SLC36A1: variants seen among roughly 807,000 people sequenced by gnomAD.
SLC36A1 encodes proton-coupled amino acid transporter 1.
SLC36A1 carries 30 observed loss-of-function variants against 47.5 expected under a neutral mutation model. The observed-to-expected ratio is 0.63, with a 90% CI of 0.47 to 0.86. The LOEUF is 0.86. Among genes scored for constraint, SLC36A1 ranks in the 40% least tolerant of loss-of-function variants. SLC36A1 has a pLI of 0.00. For synonymous variants in SLC36A1, 255 were observed against 249.7 expected (o/e 1.02, Z -0.20); for missense variants, 517 against 606.0 (o/e 0.85, Z 1.54).
the SLC36A1 span, among the ~76,000 whole-genome samples, chr5:151,370,704 G>T: frequency 1.3e-5 from 2 of 152,088 alleles, no homozygotes; most frequent in Non-Finnish European, 2.9e-5. Context: ...GATTTAAATT[G>T]CTTCTAGGCT....
chr5:151,527,988 T>A, the SLC36A1 span: 3 of 1,613,748 alleles, frequency 1.9e-6, no homozygotes, highest in South Asian at 2.2e-5. Flanking sequence ...CCCTCCCACA[T>A]GACTCACCTG....
chr5:151,495,664 A>G (rs115006490), downstream of SLC36A1, among the ~76,000 whole-genome samples: 373 of 151,210 alleles, frequency 2.5e-3, 1 homozygote, highest in African/African-American at 8.7e-3. Context: ...ATAGATACCC[A>G]CTCCCTTCAG....
chr5:151,411,260 G>A, the SLC36A1 span, among the ~76,000 whole-genome samples: 2 of 144,686 alleles, frequency 1.4e-5, no homozygotes, highest in Admixed American at 6.8e-5. Context: ...ATTTACTCCC[G>A]ATTTATCTTA....
chr5:151,381,157 G>T, the SLC36A1 span: 1 of 466,812 alleles, frequency 2.1e-6, no homozygotes. Flanking sequence ...CCATGGCTGT[G>T]TGGAAGGAGC....
At chr5:151,554,272 G>C in the SLC36A1 span, 1,582 of 1,195,946 alleles carry the variant, frequency 1.3e-3, 15 homozygotes, top group African/African-American at 0.022. Flanking sequence ...CCCTTATGCT[G>C]GTGGGCTGTC....
At chr5:151,449,397 T>G (rs1419429541) in intron 1 of SLC36A1, among the ~76,000 whole-genome samples, 1 of 152,212 alleles carries the variant, frequency 6.6e-6, no homozygotes. Context: ...GGACAAACTT[T>G]GTGTTTGTCT....
chr5:151,535,423 A>G, the SLC36A1 span, among the ~76,000 whole-genome samples: 2 of 152,064 alleles, frequency 1.3e-5, no homozygotes, highest in African/African-American at 2.4e-5. Context: ...TGCTGACATC[A>G]TGAGGCTCCC....
the SLC36A1 span, among the ~76,000 whole-genome samples, chr5:151,416,454 T>C: frequency 6.6e-6 from 1 of 152,232 alleles, no homozygotes; most frequent in Admixed American, 6.5e-5. Context: ...GGTGCCAAAA[T>C]GTATTTCTTA....
chr5:151,435,186 A>G (rs1759694335), upstream of SLC36A1, among the ~76,000 whole-genome samples: 1 of 152,228 alleles, frequency 6.6e-6, no homozygotes, highest in South Asian at 2.1e-4. Context: ...AAAGTGTTAC[A>G]TTCAAAAGGG....
Position 151,458,881 on chromosome 5 carries a change from A to G in SLC36A1, c.89A>G (p.Asn30Ser). The G allele has an allele frequency of 6.2e-7, 1 of 1,614,094 alleles. No homozygotes were observed. The highest frequency in any genetic ancestry group is 8.5e-7 in the Non-Finnish European group (1 of 1,180,020). Reference sequence around the variant, plus strand: ...GAGGAGAGCCCGTCGGAAGGCCTCAACAACCTCTCCTCCCCGGGCTCCTAC... The same window carrying G: ...GAGGAGAGCCCGTCGGAAGGCCTCAGCAACCTCTCCTCCCCGGGCTCCTAC... ...SPEESPSEGL[N>S]NLSSPGSYQR... The change falls in exon 2 of 11, where the codon AAC becomes AGC. Residue 30 changes from asparagine (N) to serine (S), a missense_variant. Transcript: ENST00000243389.
chr5:151,505,908 C>G, the SLC36A1 span: 2 of 1,590,602 alleles, frequency 1.3e-6, no homozygotes, highest in Non-Finnish European at 8.5e-7. Flanking sequence ...GAGAGGTGCC[C>G]GCTTGTTTTC....
the SLC36A1 span, among the ~76,000 whole-genome samples, chr5:151,355,655 C>G: frequency 6.6e-5 from 10 of 152,142 alleles, no homozygotes; most frequent in African/African-American, 1.7e-4. Flanking sequence ...TAAAAAGACT[C>G]AAGCATATCT....
chr5:151,397,623 C>A, the SLC36A1 span, among the ~76,000 whole-genome samples: 2 of 151,882 alleles, frequency 1.3e-5, no homozygotes, highest in African/African-American at 4.8e-5. Context: ...AATTAGCCAA[C>A]CATGGTGGTG....
At chr5:151,389,579 C>CCCTGG in the SLC36A1 span, among the ~76,000 whole-genome samples, 1 of 103,058 alleles carries the variant, frequency 9.7e-6, no homozygotes, top group Non-Finnish European at 1.8e-5. Flanking sequence ...CCCCTCAACA[C>CCCTGG]CCTGGTGTGT....
chr5:151,428,100 C>A, the SLC36A1 span, among the ~76,000 whole-genome samples: 1 of 152,194 alleles, frequency 6.6e-6, no homozygotes, highest in Non-Finnish European at 1.5e-5. Flanking sequence ...CTGGCGGCAA[C>A]TCCAGAGACA....
the SLC36A1 span, chr5:151,540,492 ACT>A: frequency 2.1e-5 from 28 of 1,346,744 alleles, no homozygotes; most frequent in Non-Finnish European, 2.6e-5. Flanking sequence ...CCTGCTCCTC[ACT>A]CTCTGTTCTC....
intron 6 of SLC36A1, 147 bp from the exon 7 acceptor site, chr5:151,467,560 T>C (rs357620): frequency 3.9e-5 from 27 of 689,286 alleles, no homozygotes; most frequent in Non-Finnish European, 6.2e-5. Flanking sequence ...AGTCGTGAAG[T>C]TCTCTAAAGA....
chr5:151,364,695 C>A, the SLC36A1 span, among the ~76,000 whole-genome samples: 1 of 152,072 alleles, frequency 6.6e-6, no homozygotes, highest in African/African-American at 2.4e-5. Flanking sequence ...TGTTGGAAAC[C>A]CAACTGAATG....
the SLC36A1 span, among the ~76,000 whole-genome samples, chr5:151,415,009 G>T: frequency 6.6e-6 from 1 of 152,062 alleles, no homozygotes; most frequent in African/African-American, 2.4e-5. Context: ...GAGCCTTTGC[G>T]TCAAGGTATG....
Sources: gnomAD v4.1 joint callset for allele counts (sites outside exome capture counted in the v4.1 genomes callset) on GRCh38, gnomAD v4.1.1 for gene constraint, MANE v1.5 for transcripts, NCBI Gene and HGNC (gene_info 2026-07-23, HGNC 2026-07-21) for gene names.